Variants in IST1 observed in about 807,000 individuals in gnomAD.
IST1 encodes the protein IST1 homolog.
A neutral mutation model predicts 37.0 loss-of-function variants in IST1; 23 were observed. The ratio of observed to expected loss-of-function variants is 0.62; its 90% confidence interval spans 0.45 to 0.88. IST1 has a LOEUF of 0.88. IST1 is among the 40% of genes least tolerant of loss of function. The pLI, the probability that IST1 is intolerant of heterozygous loss-of-function variation, is 0.00. For synonymous variants in IST1, 180 were observed against 161.7 expected (o/e 1.11, Z -0.86); for missense variants, 488 against 445.4 (o/e 1.10, Z -0.86).
At chr16:71,899,019 A>G (rs980434735) in intron 1 of IST1, among the ~76,000 whole-genome samples, 35 of 151,648 alleles carry the variant, frequency 2.3e-4, no homozygotes, top group African/African-American at 7.7e-4. Flanking sequence ...TGAATTTCCC[A>G]TAATGTTTTT....
At position 71,931,071 on chromosome 16, in the gene IST1, T is replaced by C. The variant is rs1466432804; in HGVS notation, c.*3258T>C. The C allele has an allele frequency of 6.8e-6, 1 of 148,122 alleles. No individual in the cohort carries two copies. Among genetic ancestry groups the C allele is most frequent in the Non-Finnish European group, 1.5e-5 (1 of 66,608 alleles). 9.2% of individuals were successfully genotyped at this position (148,122 alleles called of 1,614,324 possible). ...AGTTTATTTTTATGTACAATTTTAC[T>C]GTTTATTTTTTGTTTGCTCTATTTG... On this transcript the variant is annotated 3_prime_UTR_variant, in exon 10 of 10. Transcript: ENST00000378799.
At chr16:71,926,684 T>A (rs971870059) in intron 9 of IST1, among the ~76,000 whole-genome samples, 2 of 152,060 alleles carry the variant, frequency 1.3e-5, no homozygotes, top group Non-Finnish European at 2.9e-5. Context: ...ACAATTCCAC[T>A]CTCTGATCAA....
intron 7 of IST1, chr16:71,923,019 G>T: frequency 2.1e-6 from 1 of 467,004 alleles, no homozygotes; most frequent in Non-Finnish European, 3.8e-6. Flanking sequence ...TAGATAAGAT[G>T]GTCATTGGTA....
chr16:71,895,707 G>A, intron 1 of IST1, 118 bp downstream of exon 1: 2 of 257,670 alleles, frequency 7.8e-6, no homozygotes, highest in South Asian at 1.4e-4. Context: ...GGAGGGGGCA[G>A]CTGAGGAGAA....
intron 8 of IST1, chr16:71,924,480 A>C (rs1001515631): frequency 3.8e-6 from 2 of 525,766 alleles, no homozygotes; most frequent in Admixed American, 6.4e-5. Context: ...GGTCCCAGCT[A>C]TGCAGGAGGC....
At chr16:71,923,417 G>T (rs372077663) in intron 8 of IST1, 37 bp downstream of exon 8, 32 of 1,325,116 alleles carry the variant, frequency 2.4e-5, no homozygotes, top group Non-Finnish European at 3.3e-5. Flanking sequence ...CAACAGGAGA[G>T]TGAATGCCAT....
chr16:71,919,331 G>T (rs909658676), intron 4 of IST1, among the ~76,000 whole-genome samples: 1 of 143,962 alleles, frequency 6.9e-6, no homozygotes, highest in Non-Finnish European at 1.6e-5. Flanking sequence ...CCTTTGCACT[G>T]CTGTTTTCTT....
Position 71,929,811 on chromosome 16 carries a change from G to A in IST1, c.*1998G>A, listed in dbSNP as rs897460853. On this transcript the variant is annotated 3_prime_UTR_variant, in exon 10 of 10. Transcript: ENST00000378799. ...CTATTTCTTTAATAATTTGCAGTCAGGCATTGGAGTGTTTCCACTAATGGT... is the reference window on the plus strand; with the variant it reads ...CTATTTCTTTAATAATTTGCAGTCAAGCATTGGAGTGTTTCCACTAATGGT... The A allele has an allele frequency of 4.7e-5, 49 of 1,040,574 alleles. No individual in the cohort carries two copies. The highest frequency in any genetic ancestry group is 6.4e-5 in the Non-Finnish European group (47 of 733,794). The allele number at this position is 1,040,574 out of a possible 1,614,324, so 64.5% of individuals were successfully genotyped here.
rs569907636 is a variant in IST1, at chr16:71,929,352, G to A, written c.*1539G>A. ...CTTGGCAGCAGAGCTAGTTTGTCTCGTAGTATTCTTGCATTGTTAATCCTA... is the reference window on the plus strand; with the variant it reads ...CTTGGCAGCAGAGCTAGTTTGTCTCATAGTATTCTTGCATTGTTAATCCTA... On this transcript the variant is annotated 3_prime_UTR_variant, in exon 10 of 10. Transcript: ENST00000378799. The A allele has an allele frequency of 5.5e-6, 3 of 545,962 alleles. No homozygotes were observed. Among genetic ancestry groups the A allele is most frequent in the South Asian group, 3.0e-5 (1 of 33,384 alleles). 33.8% of individuals were successfully genotyped at this position (545,962 alleles called of 1,614,324 possible).
chr16:71,924,330 C>T (rs867206871), intron 8 of IST1: 4 of 388,324 alleles, frequency 1.0e-5, no homozygotes, highest in Middle Eastern at 1.2e-3. Context: ...CAACATGGGG[C>T]TGGGCGGGGT....
chr16:71,925,423 TCTC>T (rs1041570363), intron 9 of IST1, among the ~76,000 whole-genome samples: 33 of 151,542 alleles, frequency 2.2e-4, no homozygotes, highest in African/African-American at 7.5e-4. Context: ...TTCAGGCTAT[TCTC>T]CTGCCTCACC....
At position 71,929,653 on chromosome 16, in the gene IST1, A is replaced by C. The variant is rs1461435775; in HGVS notation, c.*1840A>C. 15 of 1,551,512 alleles carry C rather than the reference A, an allele frequency of 9.7e-6. No homozygotes were observed. The highest frequency in any genetic ancestry group is 1.2e-5 in the Non-Finnish European group (14 of 1,146,804). Reference sequence around the variant, plus strand: ...TAACAAATTTGAGAGCTTCTGTAGCAGTGTATCTATTAGTGCAGCTTCTTT... The same window carrying C: ...TAACAAATTTGAGAGCTTCTGTAGCCGTGTATCTATTAGTGCAGCTTCTTT... On this transcript the variant is annotated 3_prime_UTR_variant, in exon 10 of 10. Transcript: ENST00000378799.
chr16:71,917,840 GTCTC>G (rs1222757471), intron 4 of IST1, among the ~76,000 whole-genome samples: 2 of 151,784 alleles, frequency 1.3e-5, no homozygotes, highest in Non-Finnish European at 2.9e-5. Context: ...TTTTTTCTAA[GTCTC>G]TGAGGATATT....
At chr16:71,920,653 A>G in intron 4 of IST1, 86 bp from the exon 5 acceptor site, 1 of 866,134 alleles carries the variant, frequency 1.2e-6, no homozygotes, top group Non-Finnish European at 1.9e-6. Flanking sequence ...CTTGTAATAG[A>G]CGCGTGTTTA....
intron 1 of IST1, among the ~76,000 whole-genome samples, chr16:71,911,374 T>C (rs2037350704): frequency 6.6e-6 from 1 of 151,632 alleles, no homozygotes. Flanking sequence ...AAACTATTGC[T>C]ATACAAAGTT....
Position 71,929,857 on chromosome 16 carries a change from G to C in IST1, c.*2044G>C. The C allele has an allele frequency of 1.0e-6, 1 of 958,454 alleles. No individual in the cohort carries two copies. Among genetic ancestry groups the C allele is most frequent in the Non-Finnish European group, 1.5e-6 (1 of 661,262 alleles). The allele number at this position is 958,454 out of a possible 1,614,324, so 59.4% of individuals were successfully genotyped here. A position where few individuals can be genotyped will look rare whatever the true frequency, so the allele number is the denominator to read the frequency against. ...ATGGTTGCGAGCCAACTATTTATAG[G>C]ACAATGGCTATAGAATATTATGTAG... On this transcript the variant is annotated 3_prime_UTR_variant, in exon 10 of 10. Transcript: ENST00000378799.
At chr16:71,896,171 C>T (rs2036966454) in intron 1 of IST1, among the ~76,000 whole-genome samples, 1 of 152,038 alleles carries the variant, frequency 6.6e-6, no homozygotes, top group African/African-American at 2.4e-5. Flanking sequence ...TCTCGGATCC[C>T]TGCGTGTGTA....
At chr16:71,922,157 G>A (rs1274035695) in intron 6 of IST1, among the ~76,000 whole-genome samples, 5 of 151,744 alleles carry the variant, frequency 3.3e-5, no homozygotes, top group South Asian at 2.1e-4. Flanking sequence ...AAAACCATCC[G>A]CCAGTTAAGG....
chr16:71,924,020 A>G (rs557046383), intron 8 of IST1: 139 of 428,658 alleles, frequency 3.2e-4, no homozygotes, highest in African/African-American at 2.8e-3. Flanking sequence ...TGCTATGTAA[A>G]TTACTCATCT....
Sources: allele counts gnomAD v4.1 joint callset (sites outside exome capture counted in the v4.1 genomes callset), GRCh38; gene constraint gnomAD v4.1.1; transcripts MANE v1.5; gene names NCBI Gene and HGNC (gene_info 2026-07-23, HGNC 2026-07-21).